Variants in FUT8 observed in about 807,000 individuals in gnomAD.
The protein encoded by FUT8 is alpha-(1,6)-fucosyltransferase.
A neutral mutation model predicts 71.3 loss-of-function variants in FUT8; 29 were observed. The observed-to-expected ratio is 0.41, with a 90% CI of 0.30 to 0.55. FUT8 has a LOEUF of 0.55. Among genes scored for constraint, FUT8 ranks in the 20% least tolerant of loss-of-function variants. The pLI is 0.34. For synonymous variants in FUT8, 254 were observed against 239.3 expected (o/e 1.06, Z -0.57); for missense variants, 544 against 702.1 (o/e 0.77, Z 2.55).
At chr14:65,611,182 C>T (rs1888871824) in intron 3 of FUT8, among the ~76,000 whole-genome samples, 1 of 102,064 alleles carries the variant, frequency 9.8e-6, no homozygotes, top group African/African-American at 3.3e-5. Context: ...TTTTAAGTGT[C>T]ATACACACAC....
rs1295018193 is a variant in FUT8, at chr14:65,643,679, C to T, written c.597+14073C>T. Among the ~76,000 whole-genome samples, 5 of 139,878 alleles carry T rather than the reference C, an allele frequency of 3.6e-5. No homozygotes were observed. The highest frequency in any genetic ancestry group is 2.2e-4 in the South Asian group (1 of 4,550). 91.8% of individuals were successfully genotyped at this position (139,878 alleles called of 152,430 possible). A position where few individuals can be genotyped will look rare whatever the true frequency, so the allele number is the denominator to read the frequency against. On this transcript the variant is annotated intron_variant, in intron 6 of 10. Coordinates refer to ENST00000673929, the MANE Select transcript of FUT8 (RefSeq NM_001371533.1). This position sits in a 1 kb window ranked among gnomAD's most constrained non-coding sequence, Gnocchi z 4.5. Reference sequence around the variant, plus strand: ...TAAAAAAAAAATACACACACACACACACACACACACACACACACACACACA... The same window carrying T: ...TAAAAAAAAAATACACACACACACATACACACACACACACACACACACACA...
intron 6 of FUT8, chr14:65,646,144 G>A (rs1418500514): frequency 6.6e-6 from 1 of 152,124 alleles, no homozygotes; most frequent in Non-Finnish European, 1.5e-5. Context: ...CTCTCCCAGG[G>A]CCTTTGAAGG....
At chr14:65,659,044 T>G (rs1891831313) in intron 6 of FUT8, among the ~76,000 whole-genome samples, 2 of 152,088 alleles carry the variant, frequency 1.3e-5, no homozygotes, top group African/African-American at 4.8e-5. Flanking sequence ...TGGCAGTTTA[T>G]TATGGATCTT....
chr14:65,738,383 G>C (rs1483048944), intron 10 of FUT8, among the ~76,000 whole-genome samples: 2 of 151,804 alleles, frequency 1.3e-5, no homozygotes, highest in African/African-American at 4.8e-5. Context: ...TACTTCTAAG[G>C]GATGAAATTC....
chr14:65,585,825 G>A (rs1295447164), intron 3 of FUT8, among the ~76,000 whole-genome samples: 1 of 152,194 alleles, frequency 6.6e-6, no homozygotes, highest in Non-Finnish European at 1.5e-5. Context: ...CCTTGCCCCA[G>A]AAGGAAACTT....
chr14:65,740,092 T>A (rs1896418611), intron 10 of FUT8, among the ~76,000 whole-genome samples: 1 of 152,074 alleles, frequency 6.6e-6, no homozygotes, highest in South Asian at 2.1e-4. Flanking sequence ...TGGCTGAATT[T>A]GAAATTCAAA....
At chr14:65,578,250 T>C (rs1886897802) in intron 3 of FUT8, among the ~76,000 whole-genome samples, 1 of 152,170 alleles carries the variant, frequency 6.6e-6, no homozygotes, top group South Asian at 2.1e-4. Flanking sequence ...AACTTCTTGA[T>C]AATTGAAGAT....
At chr14:65,684,295 A>G (rs1236562993) in intron 7 of FUT8, among the ~76,000 whole-genome samples, 1 of 152,154 alleles carries the variant, frequency 6.6e-6, no homozygotes, top group African/African-American at 2.4e-5. Context: ...TCTGTAAATT[A>G]TTGCATTTGC....
chr14:65,592,557 A>G (rs1346464042), intron 3 of FUT8, among the ~76,000 whole-genome samples: 2 of 152,164 alleles, frequency 1.3e-5, no homozygotes, highest in African/African-American at 4.8e-5. Flanking sequence ...AGGACCTGAT[A>G]CTAAGCTTAC....
chr14:65,556,350 C>T (rs943931249), intron 2 of FUT8, among the ~76,000 whole-genome samples: 2 of 152,146 alleles, frequency 1.3e-5, no homozygotes, highest in Non-Finnish European at 2.9e-5. Flanking sequence ...CTCACGTTCA[C>T]TGGTCATTGG....
chr14:65,479,230 A>G (rs753941960), intron 2 of FUT8, among the ~76,000 whole-genome samples: 1 of 152,240 alleles, frequency 6.6e-6, no homozygotes, highest in African/African-American at 2.4e-5. Context: ...TGGCGTCTAT[A>G]TCCATACATG....
intron 6 of FUT8, among the ~76,000 whole-genome samples, chr14:65,647,010 A>G (rs998806338): frequency 1.3e-5 from 2 of 152,180 alleles, no homozygotes; most frequent in Non-Finnish European, 2.9e-5. Context: ...TAAAATACCA[A>G]TTGTGATAAG....
At chr14:65,642,940 T>C (rs1281002097) in intron 6 of FUT8, among the ~76,000 whole-genome samples, 1 of 152,188 alleles carries the variant, frequency 6.6e-6, no homozygotes, top group African/African-American at 2.4e-5. Flanking sequence ...CATCTACATA[T>C]AGATACACTT....
chr14:65,365,789 C>T, the FUT8 span, among the ~76,000 whole-genome samples: 1 of 152,136 alleles, frequency 6.6e-6, no homozygotes, highest in East Asian at 1.9e-4. Flanking sequence ...AACCAGAAGC[C>T]CTTGGTGCTG....
chr14:65,513,352 T>C (rs1015472725), intron 2 of FUT8, among the ~76,000 whole-genome samples: 1 of 152,144 alleles, frequency 6.6e-6, no homozygotes, highest in African/African-American at 2.4e-5. Context: ...AGAGAAAATA[T>C]CCTAAAAGGG....
intron 7 of FUT8, among the ~76,000 whole-genome samples, chr14:65,713,555 C>G (rs1894908413): frequency 6.6e-6 from 1 of 152,252 alleles, no homozygotes; most frequent in Admixed American, 6.5e-5. Context: ...CACATACTTG[C>G]CAGCATTTGT....
chr14:65,536,465 C>T (rs1884319381), intron 2 of FUT8, among the ~76,000 whole-genome samples: 1 of 151,850 alleles, frequency 6.6e-6, no homozygotes, highest in Non-Finnish European at 1.5e-5. Flanking sequence ...TGAATTCCCT[C>T]AGCATTTGCT....
chr14:65,421,574 C>G (rs1030583418), intron 1 of FUT8, among the ~76,000 whole-genome samples: 4 of 152,154 alleles, frequency 2.6e-5, no homozygotes, highest in Non-Finnish European at 5.9e-5. Context: ...AACAATCAGA[C>G]AGTCTTCTGC....
Position 65,720,903 on chromosome 14 carries a change from G to A in FUT8, c.836-872G>A, listed in dbSNP as rs137905471. On this transcript the variant is annotated intron_variant, in intron 7 of 10. Transcript: ENST00000673929. ...GGTGTTGCTTGCCAGTTGGCCTGGT[G>A]TTGCTTTCTGCTGTGACATGGTAAC... Among the ~76,000 whole-genome samples the A allele has an allele frequency of 3.5e-3, 539 of 152,256 alleles. 2 individuals are homozygous for A. The highest frequency in any genetic ancestry group is 5.9e-3 in the Non-Finnish European group (404 of 68,022).
Sources: allele counts gnomAD v4.1 joint callset (sites outside exome capture counted in the v4.1 genomes callset), GRCh38; gene constraint gnomAD v4.1.1; non-coding constraint Gnocchi (gnomAD v3.1); transcripts MANE v1.5; gene names NCBI Gene and HGNC (gene_info 2026-07-23, HGNC 2026-07-21).